Variants in CSMD1 observed in about 807,000 individuals in gnomAD.
The protein encoded by CSMD1 is CUB and sushi domain-containing protein 1.
In CSMD1, 213 loss-of-function variants were observed where a neutral mutation model predicts 417.5. The observed-to-expected ratio is 0.51, with a 90% CI of 0.46 to 0.57. The LOEUF (loss-of-function observed/expected upper bound fraction) is 0.57. Ranked by LOEUF, CSMD1 falls within the 20% of genes least tolerant of loss-of-function variation. The pLI is 0.00. For missense variants in CSMD1, 6,923 were observed against 4,529.7 expected, an observed-to-expected ratio of 1.53 and a Z score of -15.17; for synonymous variants, 2,862 against 1,736.8, an observed-to-expected ratio of 1.65 and a Z score of -16.11.
At chr8:3,246,683 G>A (rs112481754) in intron 26 of CSMD1, among the ~76,000 whole-genome samples, 13,203 of 152,242 alleles carry the variant, frequency 0.087, 764 homozygotes, top group Non-Finnish European at 0.12. Flanking sequence ...TGTTGGCCAT[G>A]CTGGCCTCGA....
intron 1 of CSMD1, among the ~76,000 whole-genome samples, chr8:4,714,893 G>A (rs909560290): frequency 6.6e-6 from 1 of 152,108 alleles, no homozygotes; most frequent in African/African-American, 2.4e-5. Flanking sequence ...TAGAATAATT[G>A]TATAATTTGA....
At chr8:3,157,791 T>C in intron 39 of CSMD1, 106 bp downstream of exon 39, 1 of 927,084 alleles carries the variant, frequency 1.1e-6, no homozygotes, top group Non-Finnish European at 1.7e-6. Flanking sequence ...AACACGTGTT[T>C]TGAAATTAAG....
At position 3,343,341 on chromosome 8, in the gene CSMD1, T is replaced by G; in HGVS notation, c.3584A>C (p.Asn1195Thr). The G allele has an allele frequency of 6.2e-7, 1 of 1,613,902 alleles. No homozygotes were observed. Among genetic ancestry groups the G allele is most frequent in the South Asian group, 1.1e-5 (1 of 91,090 alleles). ...STSNHLWLEF[N>T]TNGSDTDQGF... ...TTGGTCGGTGTCAGATCCATTGGTGTTGAACTCTAGCCACAGGTGATTGGA... is the reference window on the plus strand; with the variant it reads ...TTGGTCGGTGTCAGATCCATTGGTGGTGAACTCTAGCCACAGGTGATTGGA... Residue 1195 changes from asparagine (N) to threonine (T), a missense_variant, in exon 23 of 70, where the codon AAC becomes ACC. Asn to Thr is a moderately conservative substitution (Grantham distance 65, BLOSUM62 0). Transcript: ENST00000635120.
intron 9 of CSMD1, among the ~76,000 whole-genome samples, chr8:3,577,289 C>G (rs1232094170): frequency 6.6e-6 from 1 of 152,164 alleles, no homozygotes; most frequent in African/African-American, 2.4e-5. Flanking sequence ...GCATAGGAAG[C>G]CAGCCCGTCA....
intron 8 of CSMD1, among the ~76,000 whole-genome samples, chr8:3,595,331 G>T (rs1364461614): frequency 1.3e-5 from 2 of 152,168 alleles, no homozygotes; most frequent in Non-Finnish European, 2.9e-5. Flanking sequence ...TGCATCTGCT[G>T]TGGATATTGA....
intron 1 of CSMD1, among the ~76,000 whole-genome samples, chr8:4,765,654 C>G (rs1472179224): frequency 6.6e-6 from 1 of 152,194 alleles, no homozygotes; most frequent in African/African-American, 2.4e-5. Flanking sequence ...AAGATATATC[C>G]AAGCAAACTT....
intron 1 of CSMD1, among the ~76,000 whole-genome samples, chr8:4,966,207 T>C (rs1368232073): frequency 4.6e-4 from 17 of 36,842 alleles, no homozygotes; most frequent in African/African-American, 3.4e-3. Context: ...CTACTAAATA[T>C]ACAAAAAAAA....
Position 3,307,825 on chromosome 8 carries a change from T to TAGAAGACACAGAG in CSMD1, c.3824-17_3824-5dup. The TAGAAGACACAGAG allele has an allele frequency of 2.5e-6, 4 of 1,610,164 alleles. No homozygotes were observed. The highest frequency in any genetic ancestry group is 3.4e-6 in the Non-Finnish European group (4 of 1,178,662). ...TGGATCTGACCACCACATTCCGCTG[T>TAGAAGACACAGAG]AGAAGACACAGAGAGATGGGAACGT... is the stretch of plus-strand genomic sequence containing the variant. On this transcript the variant is annotated splice_region_variant and splice_polypyrimidine_tract_variant and intron_variant, in intron 24 of 69. Transcript: ENST00000635120.
intron 3 of CSMD1, among the ~76,000 whole-genome samples, chr8:4,167,110 C>T (rs118083522): frequency 0.016 from 2,380 of 152,240 alleles, 32 homozygotes; most frequent in Non-Finnish European, 0.025. Flanking sequence ...CCCTCAACTT[C>T]CCATATAAAC....
At chr8:3,631,394 T>C (rs1796777047) in intron 7 of CSMD1, among the ~76,000 whole-genome samples, 1 of 151,954 alleles carries the variant, frequency 6.6e-6, no homozygotes, top group African/African-American at 2.4e-5. Flanking sequence ...GTGACTGGAG[T>C]AGCAAAGAAG....
At chr8:3,625,022 G>A (rs1005026182) in intron 7 of CSMD1, among the ~76,000 whole-genome samples, 8 of 151,666 alleles carry the variant, frequency 5.3e-5, no homozygotes, top group Non-Finnish European at 8.8e-5. Flanking sequence ...GCCATAAGAG[G>A]ATAATTTTGA....
At chr8:3,591,148 C>A (rs548167392) in intron 8 of CSMD1, among the ~76,000 whole-genome samples, 64 of 152,210 alleles carry the variant, frequency 4.2e-4, no homozygotes, top group Middle Eastern at 3.4e-3. Context: ...TACTGGAGAA[C>A]CGATTTTGTG....
chr8:3,497,003 T>C (rs1015575434), intron 10 of CSMD1, among the ~76,000 whole-genome samples: 4 of 152,210 alleles, frequency 2.6e-5, no homozygotes, highest in African/African-American at 9.6e-5. Flanking sequence ...TCAAAAAATA[T>C]ACTTGATATG....
chr8:4,477,694 G>C (rs183332461), intron 2 of CSMD1, among the ~76,000 whole-genome samples: 42 of 152,282 alleles, frequency 2.8e-4, no homozygotes, highest in African/African-American at 1.0e-3. Context: ...CCAAAGGATA[G>C]ACTGAAACAA....
intron 7 of CSMD1, among the ~76,000 whole-genome samples, chr8:3,681,586 G>T (rs1347566080): frequency 6.6e-6 from 1 of 152,088 alleles, no homozygotes; most frequent in Non-Finnish European, 1.5e-5. Flanking sequence ...GATAGGAAGA[G>T]TAAATATCGT....
Position 4,129,239 on chromosome 8 carries a change from C to T in CSMD1, c.416-97140G>A, listed in dbSNP as rs528108002. The stretch of plus-strand genomic sequence containing the variant: ...AGCAGATTCCTATCAATTTCCTCTT[C>T]TGAGGATGTCTCCTGGGGAGCCTTC... On this transcript the variant is annotated intron_variant, in intron 3 of 69. Transcript: ENST00000635120. Among the ~76,000 whole-genome samples the T allele has an allele frequency of 3.9e-5, 6 of 152,268 alleles. No individual in the cohort carries two copies. In the East Asian group the frequency reaches 9.7e-4, roughly 25 times the overall value.
chr8:4,373,660 A>C (rs1044420671), intron 3 of CSMD1, among the ~76,000 whole-genome samples: 4 of 152,132 alleles, frequency 2.6e-5, no homozygotes, highest in African/African-American at 9.7e-5. Context: ...AAGTTATGAT[A>C]GTTTAATGAA....
intron 23 of CSMD1, among the ~76,000 whole-genome samples, chr8:3,313,428 A>C (rs1300309062): frequency 3.3e-5 from 5 of 152,210 alleles, no homozygotes; most frequent in South Asian, 2.1e-4. Flanking sequence ...AGAAAAAAAC[A>C]ACCCCATCAA....
intron 5 of CSMD1, among the ~76,000 whole-genome samples, chr8:3,814,997 T>C (rs1468448694): frequency 6.6e-6 from 1 of 152,170 alleles, no homozygotes; most frequent in Non-Finnish European, 1.5e-5. Flanking sequence ...ATTACTAAAT[T>C]ACAATAGTTA....
Sources: gnomAD v4.1 joint callset for allele counts (sites outside exome capture counted in the v4.1 genomes callset) on GRCh38, gnomAD v4.1.1 for gene constraint, MANE v1.5 for transcripts, NCBI Gene and HGNC (gene_info 2026-07-23, HGNC 2026-07-21) for gene names.